The following AFG1L variants were observed in gnomAD, a reference collection of about 807,000 sequenced individuals.
The protein encoded by AFG1L is AFG1 like ATPase, also known as AFG1-like ATPase.
A neutral mutation model predicts 62.2 loss-of-function variants in AFG1L; 53 were observed. That is an observed-to-expected ratio of 0.85 (90% CI 0.68 to 1.07). The LOEUF is 1.07. Among genes scored for constraint, AFG1L ranks in the 50% least tolerant of loss-of-function variants. The pLI is 0.00. For missense variants in AFG1L, 555 were observed against 590.5 expected, an observed-to-expected ratio of 0.94 and a Z score of 0.62; for synonymous variants, 228 against 210.3, an observed-to-expected ratio of 1.08 and a Z score of -0.73.
intron 2 of AFG1L, among the ~76,000 whole-genome samples, chr6:108,332,851 C>T (rs374867101): frequency 6.6e-6 from 1 of 152,160 alleles, no homozygotes; most frequent in African/African-American, 2.4e-5. Context: ...AAGCAATTCA[C>T]CTGCCTCAGT....
chr6:108,329,161 G>A (rs561569753), intron 2 of AFG1L, among the ~76,000 whole-genome samples: 54 of 147,072 alleles, frequency 3.7e-4, no homozygotes, highest in African/African-American at 1.3e-3. Context: ...GGCTGGTCTT[G>A]ATCTCTGGGC....
At chr6:108,396,200 A>G (rs1373496650) in intron 6 of AFG1L, among the ~76,000 whole-genome samples, 1 of 151,956 alleles carries the variant, frequency 6.6e-6, no homozygotes, top group African/African-American at 2.4e-5. Flanking sequence ...TTTTAAAAGG[A>G]ATGTTTATAT....
At chr6:108,455,827 G>A (rs114505856) in intron 8 of AFG1L, among the ~76,000 whole-genome samples, 222 of 152,120 alleles carry the variant, frequency 1.5e-3, no homozygotes, top group African/African-American at 5.1e-3. Flanking sequence ...GAATCCTTTT[G>A]AATTTATTGA....
chr6:108,356,616 G>T, intron 4 of AFG1L, 74 bp from the exon 5 acceptor site: 3 of 1,071,514 alleles, frequency 2.8e-6, no homozygotes, highest in Non-Finnish European at 2.6e-6. Flanking sequence ...TTCATTTAGA[G>T]ATTTTAAAAA....
chr6:108,497,645 T>C (rs946116059), intron 10 of AFG1L, among the ~76,000 whole-genome samples: 3 of 152,108 alleles, frequency 2.0e-5, no homozygotes, highest in Non-Finnish European at 4.4e-5. Flanking sequence ...TGGAAATAAG[T>C]TTTATATTAC....
intron 2 of AFG1L, among the ~76,000 whole-genome samples, chr6:108,332,354 A>C (rs1778306053): frequency 6.6e-6 from 1 of 152,234 alleles, no homozygotes; most frequent in African/African-American, 2.4e-5. Context: ...TATTCCATTA[A>C]ATAGACAGAC....
At position 108,346,024 on chromosome 6, in the gene AFG1L, A is replaced by G. The variant is rs1401737919; in HGVS notation, c.364-964A>G. ...TGGGAAAGAAGAAGGGAAAGACTAC[A>G]TGGCTGGTAAATGGTAGAGGGGATG... is the stretch of plus-strand genomic sequence containing the variant. On this transcript the variant is annotated intron_variant, in intron 2 of 12. Transcript: ENST00000368977. Among the ~76,000 whole-genome samples the G allele has an allele frequency of 2.6e-5, 4 of 152,184 alleles. No homozygotes were observed. The East Asian group carries it at 5.8e-4, about 22-fold the overall frequency.
intron 2 of AFG1L, among the ~76,000 whole-genome samples, chr6:108,346,027 G>A (rs1431092535): frequency 6.6e-6 from 1 of 152,290 alleles, no homozygotes; most frequent in Admixed American, 6.5e-5. Flanking sequence ...AGACTACATG[G>A]CTGGTAAATG....
At chr6:108,352,934 T>C (rs1469989019) in intron 3 of AFG1L, among the ~76,000 whole-genome samples, 1 of 152,120 alleles carries the variant, frequency 6.6e-6, no homozygotes, top group African/African-American at 2.4e-5. Context: ...ATGTAGAAAC[T>C]AGATACAGAG....
intron 8 of AFG1L, 117 bp from the exon 9 acceptor site, chr6:108,476,748 G>C: frequency 4.3e-6 from 3 of 692,310 alleles, no homozygotes; most frequent in Non-Finnish European, 7.7e-6. Context: ...TTTGTATTTA[G>C]AGCATAACAT....
chr6:108,332,900 C>T (rs1488370867), intron 2 of AFG1L, among the ~76,000 whole-genome samples: 2 of 152,050 alleles, frequency 1.3e-5, no homozygotes, highest in African/African-American at 4.8e-5. Flanking sequence ...GCCATCACGC[C>T]CAGCCAGAAG....
rs147707842 is a variant in AFG1L at position 108,415,923 on chromosome 6, A to T, written c.807+13869A>T. 6.4e-3 allele frequency among the ~76,000 whole-genome samples: 968 copies of T among 152,346 alleles called. 9 individuals carry two copies. The highest frequency in any genetic ancestry group is 0.021 in the African/African-American group (865 of 41,578). On this transcript the variant is annotated intron_variant, in intron 7 of 12. Coordinates refer to ENST00000368977, the MANE Select transcript of AFG1L (RefSeq NM_145315.5). ...ACAGAAGCCAAAATTGACAAATGGG[A>T]TCTAATTAAACTTAAAGAGCTTCTG...
At chr6:108,385,370 C>T (rs117141977) in intron 6 of AFG1L, among the ~76,000 whole-genome samples, 6,727 of 152,288 alleles carry the variant, frequency 0.044, 225 homozygotes, top group South Asian at 0.11. Context: ...CCGCTTAAGG[C>T]GTTCTTAAAC....
At chr6:108,446,672 T>C (rs1412210649) in intron 7 of AFG1L, among the ~76,000 whole-genome samples, 1 of 151,968 alleles carries the variant, frequency 6.6e-6, no homozygotes, top group African/African-American at 2.4e-5. Flanking sequence ...GCCCAGCTAA[T>C]TTTTGTATTT....
At chr6:108,427,090 A>G (rs184062297) in intron 7 of AFG1L, among the ~76,000 whole-genome samples, 67 of 152,048 alleles carry the variant, frequency 4.4e-4, no homozygotes, top group Admixed American at 3.9e-3. Context: ...CTCATTTTTA[A>G]TTTTTTAATT....
chr6:108,427,517 ATTTTTTT>A (rs34500468), intron 7 of AFG1L, among the ~76,000 whole-genome samples: 11 of 100,244 alleles, frequency 1.1e-4, no homozygotes, highest in Non-Finnish European at 1.9e-4. Context: ...TCAAAATGGA[ATTTTTTT>A]TTTTTTTTTT....
chr6:108,470,955 C>A (rs143142409), intron 8 of AFG1L, among the ~76,000 whole-genome samples: 10 of 152,276 alleles, frequency 6.6e-5, no homozygotes, highest in Non-Finnish European at 1.3e-4. Context: ...TACTCCTGTG[C>A]TAAGGACCCT....
At chr6:108,495,684 A>G (rs920456392) in intron 10 of AFG1L, among the ~76,000 whole-genome samples, 1 of 152,266 alleles carries the variant, frequency 6.6e-6, no homozygotes, top group African/African-American at 2.4e-5. Flanking sequence ...ACTGGGCTAC[A>G]TATAATCAAG....
intron 7 of AFG1L, among the ~76,000 whole-genome samples, chr6:108,413,959 T>A (rs1230283937): frequency 6.6e-6 from 1 of 151,962 alleles, no homozygotes; most frequent in Non-Finnish European, 1.5e-5. Context: ...AAAAAACCCT[T>A]CAAAAAAATC....
Sources: allele counts gnomAD v4.1 joint callset (sites outside exome capture counted in the v4.1 genomes callset), GRCh38; gene constraint gnomAD v4.1.1; transcripts MANE v1.5; gene names NCBI Gene and HGNC (gene_info 2026-07-23, HGNC 2026-07-21).